TMEM67: variants seen among roughly 807,000 people sequenced by gnomAD.
TMEM67 encodes the protein meckelin.
A neutral mutation model predicts 136.6 loss-of-function variants in TMEM67; 124 were observed. The ratio of observed to expected loss-of-function variants is 0.91; its 90% confidence interval spans 0.78 to 1.05. The LOEUF is 1.05. Ranked by LOEUF, TMEM67 falls within the 50% of genes least tolerant of loss-of-function variation. The pLI is 0.00. For missense variants in TMEM67, 1,107 were observed against 1,178.4 expected, an observed-to-expected ratio of 0.94 and a Z score of 0.89; for synonymous variants, 364 against 390.5, an observed-to-expected ratio of 0.93 and a Z score of 0.80.
chr8:93,795,557 A>G (rs748835658), intron 17 of TMEM67, 50 bp downstream of exon 17: 1 of 1,449,464 alleles, frequency 6.9e-7, no homozygotes. Context: ...GAATAGTTGA[A>G]AAGCTTTCTT....
rs863225237 is a variant in TMEM67, at chr8:93,782,410, G to C, written c.1081G>C (p.Glu361Gln). ...GGVLQLCPDT[E>Q]TRLNAAYSFG... ...TTTGCTGCAGCTTTGTCCAGACACAGAGACAAGGCTAAATGCTGCTTATTC... is the reference window on the plus strand; with the variant it reads ...TTTGCTGCAGCTTTGTCCAGACACACAGACAAGGCTAAATGCTGCTTATTC... Residue 361 changes from glutamate to glutamine, a missense_variant, in exon 11 of 28, where the codon GAG becomes CAG. Physicochemically the swap from Glu to Gln is conservative, Grantham distance 29 (BLOSUM62 2). Coordinates refer to ENST00000453321, the MANE Select transcript of TMEM67 (RefSeq NM_153704.6). 4 of 1,612,844 alleles carry C rather than the reference G, an allele frequency of 2.5e-6. No homozygotes were observed. In the Admixed American group the frequency reaches 6.7e-5, roughly 27 times the overall value.
chr8:93,777,075 C>A (rs1341468108), intron 7 of TMEM67, among the ~76,000 whole-genome samples: 2 of 152,118 alleles, frequency 1.3e-5, no homozygotes, highest in African/African-American at 4.8e-5. Context: ...CTGGTTTAGT[C>A]TTGGGAGGGT....
intron 26 of TMEM67, among the ~76,000 whole-genome samples, chr8:93,811,673 G>C (rs1808705772): frequency 6.6e-6 from 1 of 151,932 alleles, no homozygotes; most frequent in South Asian, 2.1e-4. Flanking sequence ...ATATTATATA[G>C]AGTAGTAATT....
Position 93,756,052 on chromosome 8 carries a change from GA to G in TMEM67, c.312+189del, listed in dbSNP as rs371181144. The G allele has an allele frequency of 5.1e-3, 2,449 of 483,396 alleles. 18 individuals are homozygous for G. Among genetic ancestry groups the G allele is most frequent in the Middle Eastern group, 0.022 (39 of 1,790 alleles). 29.9% of individuals were successfully genotyped at this position (483,396 alleles called of 1,614,324 possible). A position where few individuals can be genotyped will look rare whatever the true frequency, so the allele number is the denominator to read the frequency against. ...ATTTCATGCAAACTTGGAGAAAACAGAAATGTATTTCTTTTAAAATCTGAAA... is the reference window on the plus strand; with the variant it reads ...ATTTCATGCAAACTTGGAGAAAACAGAATGTATTTCTTTTAAAATCTGAAA... On this transcript the variant is annotated intron_variant, in intron 2 of 27. Coordinates refer to ENST00000453321, the MANE Select transcript of TMEM67 (RefSeq NM_153704.6).
At chr8:93,790,750 T>C (rs936873495) in intron 14 of TMEM67, among the ~76,000 whole-genome samples, 16 of 152,206 alleles carry the variant, frequency 1.1e-4, no homozygotes, top group Non-Finnish European at 2.4e-4. Flanking sequence ...TCCTCCTCCT[T>C]CTTGAAACTC....
intron 7 of TMEM67, 136 bp downstream of exon 7, chr8:93,772,787 C>T (rs994935843): frequency 7.8e-6 from 5 of 645,024 alleles, no homozygotes; most frequent in African/African-American, 3.7e-5. Context: ...TAAACTCTTT[C>T]TTGTGGGCTG....
chr8:93,799,597 T>C (rs1451821648), intron 20 of TMEM67, 21 bp from the exon 21 acceptor site: 10 of 1,611,648 alleles, frequency 6.2e-6, no homozygotes, highest in Non-Finnish European at 8.5e-6. Context: ...TTTAAATTAC[T>C]ACTTTTCCTT....
chr8:93,781,003 T>C (rs1352644606), intron 9 of TMEM67, 21 bp downstream of exon 9: 1 of 1,364,930 alleles, frequency 7.3e-7, no homozygotes, highest in Non-Finnish European at 1.0e-6. Context: ...CTAATATCAT[T>C]AGAGGATAAC....
chr8:93,824,116 G>A (rs946849886), downstream of TMEM67, among the ~76,000 whole-genome samples: 15 of 152,188 alleles, frequency 9.9e-5, no homozygotes, highest in African/African-American at 3.4e-4. Flanking sequence ...GGGACAGCTT[G>A]TAGCAGACCA....
At chr8:93,801,676 G>A (rs1814878441) in intron 21 of TMEM67, among the ~76,000 whole-genome samples, 2 of 152,114 alleles carry the variant, frequency 1.3e-5, no homozygotes, top group Admixed American at 6.6e-5. Context: ...TGCCAGGGTT[G>A]CACGTGTGAG....
chr8:93,830,705 C>T, the TMEM67 span, among the ~76,000 whole-genome samples: 16 of 152,216 alleles, frequency 1.1e-4, no homozygotes, highest in African/African-American at 3.6e-4. Context: ...CACACTTAGA[C>T]CCTCCCTCTG....
chr8:93,819,799 A>T (rs1809014392), downstream of TMEM67, among the ~76,000 whole-genome samples: 1 of 152,180 alleles, frequency 6.6e-6, no homozygotes, highest in Non-Finnish European at 1.5e-5. Context: ...ATATTTTAAA[A>T]GTTGTCTGTA....
At chr8:93,798,942 A>AGTGTGT (rs35511670) in intron 20 of TMEM67, among the ~76,000 whole-genome samples, 4,313 of 143,384 alleles carry the variant, frequency 0.03, 100 homozygotes, top group African/African-American at 0.069. Context: ...GTACTAAAGT[A>AGTGTGT]GTGTGTGTGT....
At chr8:93,792,450 AG>A (rs1269892699) in intron 15 of TMEM67, among the ~76,000 whole-genome samples, 1 of 152,166 alleles carries the variant, frequency 6.6e-6, no homozygotes, top group Non-Finnish European at 1.5e-5. Flanking sequence ...CTGGGATTAC[AG>A]GCGTGAGCCA....
chr8:93,808,531 A>AGATGTT (rs1808553911), intron 23 of TMEM67, among the ~76,000 whole-genome samples: 3 of 5,308 alleles, frequency 5.7e-4, no homozygotes, highest in Non-Finnish European at 8.1e-4. Context: ...TAATCTATAT[A>AGATGTT]TATCTATAAT....
chr8:93,829,380 CTCTG>C, the TMEM67 span, among the ~76,000 whole-genome samples: 5,790 of 150,048 alleles, frequency 0.039, 153 homozygotes, highest in African/African-American at 0.084. Flanking sequence ...CTCTCTCTCT[CTCTG>C]TGTGTGTGTG....
chr8:93,756,008 G>C (rs1391165504), intron 2 of TMEM67, 142 bp downstream of exon 2: 2 of 520,732 alleles, frequency 3.8e-6, no homozygotes, highest in African/African-American at 4.0e-5. Context: ...ACTAGAGTAA[G>C]TTTTGGGAGA....
the TMEM67 span, among the ~76,000 whole-genome samples, chr8:93,825,357 C>T: frequency 6.6e-6 from 1 of 152,136 alleles, no homozygotes; most frequent in East Asian, 1.9e-4. Context: ...ACTGGGATGA[C>T]ATTGTTAATG....
Position 93,781,494 on chromosome 8 carries a change from T to C in TMEM67, c.979-164T>C, listed in dbSNP as rs73694946. The stretch of plus-strand genomic sequence containing the variant: ...CATGCAAAAAACCAGTCTAATTCTT[T>C]CAGGTCTATTTAGTCATAGAAATAG... On this transcript the variant is annotated intron_variant, in intron 9 of 27. Coordinates refer to ENST00000453321, the MANE Select transcript of TMEM67 (RefSeq NM_153704.6). Among the ~76,000 whole-genome samples, 2,476 of 151,596 alleles carry C rather than the reference T, an allele frequency of 0.016. 72 individuals carry two copies. The highest frequency in any genetic ancestry group is 0.055 in the African/African-American group (2,250 of 40,830).
Sources: allele counts gnomAD v4.1 joint callset (sites outside exome capture counted in the v4.1 genomes callset), GRCh38; gene constraint gnomAD v4.1.1; transcripts MANE v1.5; gene names NCBI Gene and HGNC (gene_info 2026-07-23, HGNC 2026-07-21).